The following ETNK1 variants were observed in gnomAD, a reference collection of about 807,000 sequenced individuals.
ETNK1 encodes putative protein product of Nbla10396.
In ETNK1, 8 loss-of-function variants were observed where a neutral mutation model predicts 45.1. The observed-to-expected ratio is 0.18, with a 90% CI of 0.10 to 0.32. The LOEUF is 0.32. ETNK1 is among the 10% of genes least tolerant of loss of function. The pLI, the probability that ETNK1 is intolerant of heterozygous loss-of-function variation, is 1.00. For missense variants in ETNK1, 302 were observed against 430.6 expected, an observed-to-expected ratio of 0.70 and a Z score of 2.64; for synonymous variants, 152 against 151.9, an observed-to-expected ratio of 1.00 and a Z score of -0.01.
chr12:22,658,901 G>C (rs1305833159), intron 2 of ETNK1, 113 bp from the exon 3 acceptor site: 1 of 1,066,858 alleles, frequency 9.4e-7, no homozygotes, highest in East Asian at 2.5e-5. Context: ...AGCACAGGTA[G>C]GTCTACAAGA....
intron 1 of ETNK1, among the ~76,000 whole-genome samples, chr12:22,637,598 A>G (rs192336): frequency 0.016 from 2,402 of 152,288 alleles, 77 homozygotes; most frequent in African/African-American, 0.056. Context: ...TTGGATTCCT[A>G]TTCCCATTCC....
At chr12:22,625,848 G>T (rs1227946171) in intron 1 of ETNK1, 1 of 686,704 alleles carries the variant, frequency 1.5e-6, no homozygotes. Context: ...CATCCACGGG[G>T]GGAGATTCCT....
intron 1 of ETNK1, among the ~76,000 whole-genome samples, chr12:22,636,055 C>A (rs1282818123): frequency 6.6e-6 from 1 of 152,042 alleles, no homozygotes; most frequent in Non-Finnish European, 1.5e-5. Context: ...CCCAGCTACT[C>A]GGGTGGCTGA....
At chr12:22,684,389 T>C (rs1954241028) in intron 6 of ETNK1, 94 bp from the exon 7 acceptor site, 4 of 811,106 alleles carry the variant, frequency 4.9e-6, no homozygotes, top group Admixed American at 4.6e-5. Flanking sequence ...GTGTGGTGCA[T>C]GGAGTTGATT....
At chr12:22,671,564 C>T (rs914638509) in intron 5 of ETNK1, among the ~76,000 whole-genome samples, 6 of 152,018 alleles carry the variant, frequency 3.9e-5, no homozygotes, top group African/African-American at 1.2e-4. Context: ...GGTGGCCGGG[C>T]GCGGTGGCTC....
At chr12:22,645,123 G>A (rs1953790897) in intron 2 of ETNK1, among the ~76,000 whole-genome samples, 1 of 151,812 alleles carries the variant, frequency 6.6e-6, no homozygotes, top group Admixed American at 6.6e-5. Context: ...TGTGTTTACT[G>A]TGTGTCAATT....
chr12:22,674,022 C>T (rs1954137120), intron 6 of ETNK1, among the ~76,000 whole-genome samples: 1 of 152,138 alleles, frequency 6.6e-6, no homozygotes, highest in Non-Finnish European at 1.5e-5. Context: ...AGGAGCTTTT[C>T]CACAACACAT....
Position 22,625,379 on chromosome 12 carries a change from C to T in ETNK1, c.-52C>T, listed in dbSNP as rs1953474489. The T allele has an allele frequency of 1.3e-6, 2 of 1,557,418 alleles. No homozygotes were observed. Among genetic ancestry groups the T allele is most frequent in the African/African-American group, 2.8e-5 (2 of 70,988 alleles). On this transcript the variant is annotated 5_prime_UTR_variant, in exon 1 of 8. Transcript: ENST00000266517. ...CCAGTCTGTCGGCGCCCGCCGTTCT[C>T]GTGGTCGCCGTCGCCGTCGTCGTGG...
chr12:22,629,061 G>A (rs1953540586), intron 1 of ETNK1, among the ~76,000 whole-genome samples: 1 of 152,056 alleles, frequency 6.6e-6, no homozygotes, highest in African/African-American at 2.4e-5. Context: ...AATTGATCCA[G>A]TAGTTGTCCC....
At chr12:22,667,385 G>T (rs1189341123) in intron 4 of ETNK1, among the ~76,000 whole-genome samples, 1 of 152,176 alleles carries the variant, frequency 6.6e-6, no homozygotes, top group East Asian at 1.9e-4. Flanking sequence ...GTGTCCTAGG[G>T]ATTGCTCTGT....
intron 1 of ETNK1, among the ~76,000 whole-genome samples, chr12:22,635,111 G>A (rs1448497459): frequency 6.6e-6 from 1 of 152,190 alleles, no homozygotes; most frequent in African/African-American, 2.4e-5. Context: ...AAATAAAAAT[G>A]GGCCTTGGGC....
chr12:22,674,914 T>C (rs1954145022), intron 6 of ETNK1, among the ~76,000 whole-genome samples: 1 of 152,238 alleles, frequency 6.6e-6, no homozygotes, highest in African/African-American at 2.4e-5. Flanking sequence ...ACTAAGTACT[T>C]ACTGTTATTC....
chr12:22,677,293 C>T (rs533205979), intron 6 of ETNK1, among the ~76,000 whole-genome samples: 5 of 152,264 alleles, frequency 3.3e-5, no homozygotes, highest in African/African-American at 1.2e-4. Context: ...TTGTTTTTCT[C>T]AGATTTGTCA....
chr12:22,669,515 C>T (rs187549049), intron 4 of ETNK1, among the ~76,000 whole-genome samples: 1 of 151,826 alleles, frequency 6.6e-6, no homozygotes, highest in Non-Finnish European at 1.5e-5. Context: ...TTTCCCTGGT[C>T]ATTATTTTTG....
At chr12:22,676,515 TA>T in intron 6 of ETNK1, among the ~76,000 whole-genome samples, 1 of 152,132 alleles carries the variant, frequency 6.6e-6, no homozygotes, top group South Asian at 2.1e-4. Context: ...ATCCTTTGGG[TA>T]TATACCCAGT....
chr12:22,638,054 A>C lies in ETNK1; in HGVS notation c.157-5709A>C, dbSNP rs577951018. ...TGATTGATAAAAATAAAAATTACAA[A>C]AAAAAAGCATATGGTAGGTTTGGAA... On this transcript the variant is annotated intron_variant, in intron 1 of 7. Transcript: ENST00000266517. 1.8e-4 allele frequency among the ~76,000 whole-genome samples: 28 copies of C among 152,154 alleles called. No homozygotes were observed. In the East Asian group the frequency reaches 5.0e-3, roughly 27 times the overall value.
At chr12:22,636,726 T>C (rs76321303) in intron 1 of ETNK1, among the ~76,000 whole-genome samples, 2,367 of 152,296 alleles carry the variant, frequency 0.016, 63 homozygotes, top group African/African-American at 0.054. Flanking sequence ...ATATTTTTTC[T>C]TGTCATTATT....
rs773294981 is a variant in ETNK1 at position 22,625,468 on chromosome 12, A to G, written c.38A>G (p.Glu13Gly). 2.7e-5 allele frequency: 43 copies of G among 1,601,476 alleles called. No individual in the cohort carries two copies. The highest frequency in any genetic ancestry group is 3.7e-5 in the Non-Finnish European group (43 of 1,174,658). Residue 13 changes from glutamate to glycine, a missense_variant, in exon 1 of 8, where the codon GAG becomes GGG. Glu to Gly is a moderately conservative substitution (Grantham distance 98). Transcript: ENST00000266517. ...ATCCACGTCCCTCCCGGCTCCCCGG[A>G]GGTGCCCAAGCTGAACGTCACCGTT... ...NYIHVPPGSP[E>G]VPKLNVTVQD...
intron 4 of ETNK1, among the ~76,000 whole-genome samples, chr12:22,663,175 C>T (rs1055945360): frequency 6.6e-6 from 1 of 152,128 alleles, no homozygotes; most frequent in Non-Finnish European, 1.5e-5. Context: ...GTATGCACTA[C>T]ATTATATACT....
Sources: gnomAD v4.1 joint callset for allele counts (sites outside exome capture counted in the v4.1 genomes callset) on GRCh38, gnomAD v4.1.1 for gene constraint, MANE v1.5 for transcripts, NCBI Gene and HGNC (gene_info 2026-07-23, HGNC 2026-07-21) for gene names.